The following AOC2 variants were observed in gnomAD, a reference collection of about 807,000 sequenced individuals.
AOC2 encodes amine oxidase copper containing 2, also known as amine oxidase [copper-containing] 2.
A neutral mutation model predicts 53.8 loss-of-function variants in AOC2; 57 were observed. The observed-to-expected ratio is 1.06, with a 90% CI of 0.86 to 1.32. The LOEUF (loss-of-function observed/expected upper bound fraction) is 1.32. Among genes scored for constraint, AOC2 ranks in the 40% most tolerant of loss-of-function variants. AOC2 has a pLI of 0.00. For synonymous variants in AOC2, 404 were observed against 399.0 expected (o/e 1.01, Z -0.15); for missense variants, 1,008 against 957.2 (o/e 1.05, Z -0.70).
rs369225048 is a variant in AOC2 at position 42,849,380 on chromosome 17, G to A, written c.1874+9G>A. The A allele has an allele frequency of 1.2e-5, 19 of 1,607,862 alleles. 1 individual carries two copies. The African/African-American group carries it at 1.9e-4, about 16-fold the overall frequency. ...GCCCTCAGCTGGGGGAGGTGAGGAG[G>A]GCCCTGGCCTGGGTGGAAGGAAAGG... On this transcript the variant is annotated intron_variant, in intron 2 of 3. Coordinates refer to ENST00000253799, the MANE Select transcript of AOC2 (RefSeq NM_009590.4).
Position 42,846,115 on chromosome 17 carries a change from G to A in AOC2, c.1489G>A (p.Gly497Arg), listed in dbSNP as rs780261386. The A allele has an allele frequency of 3.2e-6, 5 of 1,587,074 alleles. No homozygotes were observed. The South Asian group carries it at 3.4e-5, about 11-fold the overall frequency. The change falls in exon 1 of 4, where the codon GGA (glycine) becomes AGA (arginine). Residue 497 changes from glycine to arginine, a missense_variant. Gly to Arg is a moderately radical substitution (Grantham distance 125). Transcript: ENST00000253799. Reference protein sequence around the residue: ...GYINTAFLKGGEEGLLFGNRV... With the variant: ...GYINTAFLKGREEGLLFGNRV... ...TATCAACACAGCTTTCCTGAAAGGG[G>A]GAGAGGAGGGCCTCCTCTTTGGGAA...
At chr17:42,848,508 T>A (rs1407946787) in intron 1 of AOC2, among the ~76,000 whole-genome samples, 1 of 147,504 alleles carries the variant, frequency 6.8e-6, no homozygotes, top group Non-Finnish European at 1.5e-5. Context: ...GTGTGGCTAG[T>A]GTGACAGAGG....
chr17:42,846,769 T>A (rs182173451), intron 1 of AOC2, among the ~76,000 whole-genome samples: 230 of 152,310 alleles, frequency 1.5e-3, no homozygotes, highest in Middle Eastern at 3.4e-3. Context: ...CACAGTTGAC[T>A]CATGGCAGGC....
intron 1 of AOC2, among the ~76,000 whole-genome samples, chr17:42,847,897 C>T (rs1420216426): frequency 6.6e-6 from 1 of 151,448 alleles, no homozygotes; most frequent in African/African-American, 2.4e-5. Context: ...TCTTGTGTCT[C>T]GGCCTCCAGA....
intron 3 of AOC2, 122 bp downstream of exon 3, chr17:42,849,852 A>G: frequency 6.9e-7 from 1 of 1,451,372 alleles, no homozygotes; most frequent in African/African-American, 1.4e-5. Flanking sequence ...GAGGCCATGG[A>G]GTTTTCTGAT....
chr17:42,850,595 G>A lies in AOC2; in HGVS notation c.*247G>A, dbSNP rs934849793. 2.4e-6 allele frequency: 1 copy of A among 412,182 alleles called. No individual in the cohort carries two copies. Among genetic ancestry groups the A allele is most frequent in the African/African-American group, 2.0e-5 (1 of 49,016 alleles). The allele number at this position is 412,182 out of a possible 1,614,324, so 25.5% of individuals were successfully genotyped here. On this transcript the variant is annotated 3_prime_UTR_variant, in exon 4 of 4. Transcript: ENST00000253799. The stretch of plus-strand genomic sequence containing the variant: ...CACAAATCCTACTACTCAGAAATAG[G>A]TGGTCACATTACATCAGACATCTCT...
rs1191076372 is a variant in AOC2 at position 42,844,717 on chromosome 17, T to G, written c.91T>G (p.Ser31Ala). 6.2e-7 allele frequency: 1 copy of G among 1,614,156 alleles called. No homozygotes were observed. Among genetic ancestry groups the G allele is most frequent in the South Asian group, 1.1e-5 (1 of 91,084 alleles). The change falls in exon 1 of 4, where the codon TCC becomes GCC. Residue 31 changes from serine to alanine, a missense_variant. Transcript: ENST00000253799. ...AYVLLTSPGG[S>A]SQPPHCPSVS... ...TGTTTTGCTGACCAGCCCAGGTGGT[T>G]CCAGCCAGCCTCCCCACTGCCCCTC... is the stretch of plus-strand genomic sequence containing the variant.
At chr17:42,849,031 T>C in intron 1 of AOC2, 55 bp from the exon 2 acceptor site, 2 of 1,534,368 alleles carry the variant, frequency 1.3e-6, no homozygotes, top group South Asian at 1.3e-5. Context: ...GACAGGGACC[T>C]GGCCCAGAGA....
At position 42,849,336 on chromosome 17, in the gene AOC2, G is replaced by A. The variant is rs771708967; in HGVS notation, c.1839G>A (p.Leu613=). ...GCCCCCTTGGCATACACATACCCCT[G>A]GAGAGTGACATGGAGAGGGCCCTCA... is the stretch of plus-strand genomic sequence containing the variant. ...IHSPLGIHIP[L]ESDMERALSW... The change falls in exon 2 of 4, where the codon CTG becomes CTA. Residue 613 remains leucine, a synonymous_variant. Transcript: ENST00000253799. The A allele has an allele frequency of 2.5e-6, 4 of 1,614,002 alleles. No homozygotes were observed. Among genetic ancestry groups the A allele is most frequent in the Non-Finnish European group, 3.4e-6 (4 of 1,179,902 alleles).
Position 42,845,952 on chromosome 17 carries a change from A to G in AOC2, c.1326A>G (p.Gln442=), listed in dbSNP as rs1376637839. ...LPLRRHHNYL[Q]NHFYGGLASS... is the part of the protein sequence containing the mutation. ...TTCGAAGGCACCACAATTACCTTCA[A>G]AATCATTTCTATGGTGGTTTGGCCA... The change falls in exon 1 of 4, where the codon CAA becomes CAG. Residue 442 remains glutamine, a synonymous_variant. Transcript: ENST00000253799. The G allele has an allele frequency of 1.2e-6, 2 of 1,614,052 alleles. No homozygotes were observed. The highest frequency in any genetic ancestry group is 2.2e-5 in the East Asian group (1 of 44,894).
intron 3 of AOC2, 104 bp downstream of exon 3, chr17:42,849,834 C>A (rs1040842925): frequency 7.2e-6 from 11 of 1,534,554 alleles, no homozygotes; most frequent in Non-Finnish European, 8.9e-6. Flanking sequence ...TTCCAGTTCG[C>A]AGATTCAGAG....
At chr17:42,848,546 C>CATGTAT (rs2055617249) in intron 1 of AOC2, among the ~76,000 whole-genome samples, 4 of 117,664 alleles carry the variant, frequency 3.4e-5, no homozygotes, top group African/African-American at 1.5e-4. Context: ...TATATATATA[C>CATGTAT]ATATATATAT....
Position 42,844,976 on chromosome 17 carries a change from C to T in AOC2, c.350C>T (p.Ala117Val), listed in dbSNP as rs537312309. 13 of 1,611,082 alleles carry T rather than the reference C, an allele frequency of 8.1e-6. No homozygotes were observed. The highest frequency in any genetic ancestry group is 2.2e-5 in the East Asian group (1 of 44,828). Reference protein sequence around the residue: ...AHLDRGSPPPAREALAIVLFG... With the variant: ...AHLDRGSPPPVREALAIVLFG... ...CTGGACAGGGGGAGCCCCCCACCTG[C>T]CCGGGAGGCACTGGCCATCGTCCTC... is the stretch of plus-strand genomic sequence containing the variant. The change falls in exon 1 of 4, where the codon GCC becomes GTC. Residue 117 changes from alanine (A) to valine (V), a missense_variant. By Grantham distance (64) the Ala-to-Val change is moderately conservative (BLOSUM62 0). Transcript: ENST00000253799.
At position 42,850,423 on chromosome 17, in the gene AOC2, T is replaced by G; in HGVS notation, c.*75T>G. 2 of 1,490,110 alleles carry G rather than the reference T, an allele frequency of 1.3e-6. No individual in the cohort carries two copies. The highest frequency in any genetic ancestry group is 1.4e-5 in the African/African-American group (1 of 71,876). 92.3% of individuals were successfully genotyped at this position (1,490,110 alleles called of 1,614,324 possible). A position where few individuals can be genotyped will look rare whatever the true frequency, so the allele number is the denominator to read the frequency against. ...TTTCTACTTTCTATTCTCCGTGTTT[T>G]TATCACACCTGCTCCCCAGATTCCC... On this transcript the variant is annotated 3_prime_UTR_variant, in exon 4 of 4. Coordinates refer to ENST00000253799, the MANE Select transcript of AOC2 (RefSeq NM_009590.4).
In AOC2 at chr17:42,845,870, C is replaced by A. The variant is rs375152107; in HGVS notation, c.1244C>A (p.Ala415Glu). The A allele has an allele frequency of 1.9e-6, 3 of 1,613,936 alleles. No homozygotes were observed. The African/African-American group carries it at 4.0e-5, about 22-fold the overall frequency. The change falls in exon 1 of 4, where the codon GCA becomes GAA. Residue 415 changes from alanine to glutamate, a missense_variant. Transcript: ENST00000253799. ...VDIHILVGKG[A>E]VQLLPGAVCV... ...ATCCATATATTAGTGGGCAAAGGGG[C>A]AGTCCAGCTGCTTCCAGGGGCTGTG...
At position 42,845,252 on chromosome 17, in the gene AOC2, C is replaced by T. The variant is rs773811607; in HGVS notation, c.626C>T (p.Pro209Leu). The T allele has an allele frequency of 1.9e-5, 30 of 1,614,052 alleles. No homozygotes were observed. Among genetic ancestry groups the T allele is most frequent in the Non-Finnish European group, 2.5e-5 (29 of 1,180,048 alleles). Reference sequence around the variant, plus strand: ...ACCCTGGCAGCTGTGCATGCCACCCCTCGGGGCTTGCGCTCAGGGGACCGA... The same window carrying T: ...ACCCTGGCAGCTGTGCATGCCACCCTTCGGGGCTTGCGCTCAGGGGACCGA... ...GSTLAAVHAT[P>L]RGLRSGDRAT... Residue 209 changes from proline to leucine, a missense_variant, in exon 1 of 4, where the codon CCT (proline) becomes CTT (leucine). Coordinates refer to ENST00000253799, the MANE Select transcript of AOC2 (RefSeq NM_009590.4).
At position 42,849,583 on chromosome 17, in the gene AOC2, C is replaced by T; in HGVS notation, c.1875-18C>T. On this transcript the variant is annotated intron_variant, in intron 2 of 3. Transcript: ENST00000253799. ...ACTTGACATTTCCCAAAACCACCTT[C>T]TTATGATTCCTGGCCAGATACCAGC... is the stretch of plus-strand genomic sequence containing the variant. The T allele has an allele frequency of 6.2e-7, 1 of 1,614,220 alleles. No individual in the cohort carries two copies. Among genetic ancestry groups the T allele is most frequent in the East Asian group, 2.2e-5 (1 of 44,890 alleles).
chr17:42,848,178 A>G (rs2055613572), intron 1 of AOC2, among the ~76,000 whole-genome samples: 1 of 147,548 alleles, frequency 6.8e-6, no homozygotes, highest in Non-Finnish European at 1.5e-5. Context: ...CAGCCTCCTG[A>G]GTTGCAAGCT....
chr17:42,850,506 C>A lies in AOC2; in HGVS notation c.*158C>A. On this transcript the variant is annotated 3_prime_UTR_variant, in exon 4 of 4. Coordinates refer to ENST00000253799, the MANE Select transcript of AOC2 (RefSeq NM_009590.4). ...CATCAGTCCCTTTGGTTAATTCTTA[C>A]TTCCTGTTCATCTCTAAAGTGTTAA... is the stretch of plus-strand genomic sequence containing the variant. 1 of 774,900 alleles carries A rather than the reference C, an allele frequency of 1.3e-6. No individual in the cohort carries two copies. The highest frequency in any genetic ancestry group is 1.9e-6 in the Non-Finnish European group (1 of 515,298). The allele number at this position is 774,900 out of a possible 1,614,324, so 48.0% of individuals were successfully genotyped here.
Sources: gnomAD v4.1 joint callset for allele counts (sites outside exome capture counted in the v4.1 genomes callset) on GRCh38, gnomAD v4.1.1 for gene constraint, MANE v1.5 for transcripts, NCBI Gene and HGNC (gene_info 2026-07-23, HGNC 2026-07-21) for gene names.